CSMD2: variants seen among roughly 807,000 people sequenced by gnomAD.
The protein encoded by CSMD2 is CUB and Sushi multiple domains 2.
A neutral mutation model predicts 398.5 loss-of-function variants in CSMD2; 130 were observed. The ratio of observed to expected loss-of-function variants is 0.33; its 90% confidence interval spans 0.28 to 0.38. CSMD2 has a LOEUF of 0.38. CSMD2 is among the 10% of genes least tolerant of loss of function. The pLI, the probability that CSMD2 is intolerant of heterozygous loss-of-function variation, is 1.00. For missense variants in CSMD2, 3,829 were observed against 4,764.9 expected, an observed-to-expected ratio of 0.80 and a Z score of 5.78; for synonymous variants, 1,828 against 1,908.5, an observed-to-expected ratio of 0.96 and a Z score of 1.10.
At chr1:33,737,975 C>T (rs967082259) in intron 15 of CSMD2, among the ~76,000 whole-genome samples, 1 of 151,986 alleles carries the variant, frequency 6.6e-6, no homozygotes, top group Admixed American at 6.6e-5. Flanking sequence ...AGTGAATTGC[C>T]AGGATCCCAG....
chr1:33,535,573 A>C (rs954242373), intron 62 of CSMD2, among the ~76,000 whole-genome samples: 1 of 152,178 alleles, frequency 6.6e-6, no homozygotes, highest in African/African-American at 2.4e-5. Flanking sequence ...CATGTGCAAG[A>C]GTGCCTCTGG....
chr1:33,856,114 C>G (rs1240969455), intron 5 of CSMD2, among the ~76,000 whole-genome samples: 1 of 152,158 alleles, frequency 6.6e-6, no homozygotes, highest in East Asian at 1.9e-4. Context: ...CAAGTCTGTG[C>G]CTGGCATACA....
chr1:34,064,858 C>A (rs1381280912), intron 2 of CSMD2, among the ~76,000 whole-genome samples: 1 of 152,074 alleles, frequency 6.6e-6, no homozygotes, highest in East Asian at 1.9e-4. Flanking sequence ...AGAGTCATGG[C>A]AGGAGGCGAA....
At chr1:34,050,132 T>C (rs962260295) in intron 2 of CSMD2, among the ~76,000 whole-genome samples, 1 of 152,208 alleles carries the variant, frequency 6.6e-6, no homozygotes, top group Admixed American at 6.5e-5. Flanking sequence ...ACGAGTATTT[T>C]CTGATGGCAG....
chr1:33,752,534 T>C (rs1156713277), intron 13 of CSMD2, among the ~76,000 whole-genome samples: 1 of 152,192 alleles, frequency 6.6e-6, no homozygotes, highest in African/African-American at 2.4e-5. Context: ...ACCTCTTTTC[T>C]TTATAAATTA....
Position 33,625,073 on chromosome 1 carries a change from A to G in CSMD2, c.5478T>C (p.Asn1826=), listed in dbSNP as rs773416855. 1.2e-6 allele frequency: 2 copies of G among 1,613,924 alleles called. No homozygotes were observed. The highest frequency in any genetic ancestry group is 1.1e-5 in the South Asian group (1 of 91,082). Residue 1826 remains asparagine (N), a synonymous_variant, in exon 34 of 71, where the codon AAT becomes AAC. Coordinates refer to ENST00000373381, the MANE Select transcript of CSMD2 (RefSeq NM_001281956.2). ...LPVPGALAQW[N]VSAPTCVVPC... is the part of the protein sequence containing the mutation. The stretch of plus-strand genomic sequence containing the variant: ...CACCCACACACGTGGGCGCTGAGAC[A>G]TTCCATTGGGCCAAGGCCCCAGGCA...
At chr1:33,682,546 T>C (rs1177866032) in intron 25 of CSMD2, among the ~76,000 whole-genome samples, 1 of 152,200 alleles carries the variant, frequency 6.6e-6, no homozygotes, top group Non-Finnish European at 1.5e-5. Context: ...TTGAGGCCAA[T>C]AGCACCACTG....
intron 2 of CSMD2, among the ~76,000 whole-genome samples, chr1:34,071,932 T>C (rs1391667288): frequency 6.6e-6 from 1 of 152,238 alleles, no homozygotes; most frequent in African/African-American, 2.4e-5. Flanking sequence ...GAAGAAGCTT[T>C]GGAGTTCCTC....
intron 25 of CSMD2, among the ~76,000 whole-genome samples, chr1:33,677,262 A>T (rs1353424413): frequency 1.3e-5 from 2 of 152,254 alleles, no homozygotes; most frequent in Non-Finnish European, 2.9e-5. Flanking sequence ...ACAAATTTAC[A>T]AGAAAAAAAC....
intron 53 of CSMD2, among the ~76,000 whole-genome samples, chr1:33,567,116 C>T (rs953445888): frequency 6.6e-6 from 1 of 151,430 alleles, no homozygotes. Flanking sequence ...AAAGGGCCTT[C>T]CACCTAGAAA....
intron 40 of CSMD2, among the ~76,000 whole-genome samples, chr1:33,612,640 G>A (rs1641084971): frequency 6.6e-6 from 1 of 150,870 alleles, no homozygotes. Flanking sequence ...CCCAACTCAT[G>A]AACATGCAGA....
In CSMD2 at chr1:33,537,131, C is replaced by T. The variant is rs201864660; in HGVS notation, c.9806-36G>A. On this transcript the variant is annotated intron_variant, in intron 61 of 70. Coordinates refer to ENST00000373381, the MANE Select transcript of CSMD2 (RefSeq NM_001281956.2). The surrounding 1 kb of genome is among the most constrained non-coding windows in gnomAD (Gnocchi z 4.6). ...AAAACAAAGACACAGATCACATGGT[C>T]ATGGAAGCCTTCACGGCCTCATCTC... 9 of 1,609,788 alleles carry T rather than the reference C, an allele frequency of 5.6e-6. No homozygotes were observed. The East Asian group carries it at 2.0e-4, about 36-fold the overall frequency.
intron 44 of CSMD2, chr1:33,600,574 A>T: frequency 1.9e-6 from 1 of 535,776 alleles, no homozygotes; most frequent in Non-Finnish European, 3.3e-6. Context: ...GGGATGATCC[A>T]GCCAGTGAGT....
chr1:33,706,511 A>C (rs1479114173), intron 22 of CSMD2, among the ~76,000 whole-genome samples: 1 of 152,204 alleles, frequency 6.6e-6, no homozygotes, highest in Non-Finnish European at 1.5e-5. Flanking sequence ...TAAGAATACA[A>C]ATTAGGAGCT....
chr1:34,142,309 A>G (rs539967766), intron 1 of CSMD2, among the ~76,000 whole-genome samples: 17 of 152,234 alleles, frequency 1.1e-4, no homozygotes, highest in Non-Finnish European at 1.0e-4. Context: ...GGTCTGCAGG[A>G]TCAAATCAGA....
intron 2 of CSMD2, among the ~76,000 whole-genome samples, chr1:34,038,945 C>T (rs949762313): frequency 2.6e-5 from 4 of 152,206 alleles, no homozygotes; most frequent in Non-Finnish European, 4.4e-5. Flanking sequence ...TGCCATGCCC[C>T]ATCTTCAGGG....
chr1:34,025,473 A>T (rs1172895090), intron 3 of CSMD2, among the ~76,000 whole-genome samples: 1 of 152,106 alleles, frequency 6.6e-6, no homozygotes, highest in Non-Finnish European at 1.5e-5. Flanking sequence ...TGTGAGGTCA[A>T]CCTCTCTGGG....
At chr1:33,587,524 C>T (rs1042886210) in intron 44 of CSMD2, among the ~76,000 whole-genome samples, 1 of 152,180 alleles carries the variant, frequency 6.6e-6, no homozygotes, top group Non-Finnish European at 1.5e-5. Context: ...TCTTACTCTA[C>T]TCGTGAGCAA....
At chr1:33,956,636 C>T (rs966808031) in intron 3 of CSMD2, among the ~76,000 whole-genome samples, 3 of 152,098 alleles carry the variant, frequency 2.0e-5, no homozygotes, top group Admixed American at 1.3e-4. Flanking sequence ...GTTCCACCCC[C>T]ACACCCACAC....
Sources: allele counts gnomAD v4.1 joint callset (sites outside exome capture counted in the v4.1 genomes callset), GRCh38; gene constraint gnomAD v4.1.1; non-coding constraint Gnocchi (gnomAD v3.1); transcripts MANE v1.5; gene names NCBI Gene and HGNC (gene_info 2026-07-23, HGNC 2026-07-21).